Variants in ZNF79 observed in about 807,000 individuals in gnomAD.
ZNF79 encodes ZNFpT7.
ZNF79 carries 13 observed loss-of-function variants against 14.9 expected under a neutral mutation model. That is an observed-to-expected ratio of 0.87 (90% CI 0.57 to 1.38). The LOEUF is 1.38. Ranked by LOEUF, ZNF79 falls within the 40% of genes most tolerant of loss-of-function variation. ZNF79 has a pLI of 0.00. For missense variants in ZNF79, 631 were observed against 630.6 expected (o/e 1.00, Z -0.01); for synonymous variants, 223 against 235.1 (o/e 0.95, Z 0.47).
intron 4 of ZNF79, among the ~76,000 whole-genome samples, chr9:127,436,469 C>T (rs931139690): frequency 6.6e-6 from 1 of 152,220 alleles, no homozygotes; most frequent in Non-Finnish European, 1.5e-5. Context: ...ATTCATTCTG[C>T]TCCTGCTTTC....
Position 127,444,358 on chromosome 9 carries a change from C to T in ZNF79, c.658C>T (p.Pro220Ser), listed in dbSNP as rs767120315. ...QHQKSHTGEK[P>S]YECSECGKAF... Reference sequence around the variant, plus strand: ...TCAGAAGAGCCACACTGGAGAGAAGCCCTATGAGTGCAGTGAATGTGGGAA... The same window carrying T: ...TCAGAAGAGCCACACTGGAGAGAAGTCCTATGAGTGCAGTGAATGTGGGAA... Residue 220 changes from proline to serine, a missense_variant, in exon 5 of 5, where the codon CCC (proline) becomes TCC (serine). Transcript: ENST00000342483. 2.4e-5 allele frequency: 38 copies of T among 1,613,164 alleles called. No homozygotes were observed. The Admixed American group carries it at 6.0e-4, about 25-fold the overall frequency.
rs767990049 is a variant in ZNF79, at chr9:127,444,207, T to C, written c.507T>C (p.Pro169=). 4 of 1,613,890 alleles carry C rather than the reference T, an allele frequency of 2.5e-6. No homozygotes were observed. The highest frequency in any genetic ancestry group is 3.4e-6 in the Non-Finnish European group (4 of 1,180,010). Residue 169 remains proline, a synonymous_variant, in exon 5 of 5, where the codon CCT becomes CCC. Transcript: ENST00000342483. The stretch of plus-strand genomic sequence containing the variant: ...AGAGAGTGCCCGTGGAAGCGAGACC[T>C]CGCAAATGTGAGACACACACCGAGA... ...PQQRVPVEAR[P]RKCETHTESF... is the part of the protein sequence containing the mutation.
chr9:127,435,839 C>T, intron 3 of ZNF79, 69 bp from the exon 4 acceptor site: 5 of 1,297,046 alleles, frequency 3.9e-6, no homozygotes, highest in Non-Finnish European at 4.5e-6. Context: ...TACTTGCTCT[C>T]TCCTGAGTTC....
intron 4 of ZNF79, among the ~76,000 whole-genome samples, chr9:127,437,387 AG>A (rs1333366918): frequency 6.6e-6 from 1 of 150,786 alleles, no homozygotes; most frequent in Non-Finnish European, 1.5e-5. Context: ...GTCTATACAG[AG>A]GACTGAAGTC....
chr9:127,432,954 G>A (rs928762118), intron 2 of ZNF79, among the ~76,000 whole-genome samples: 1 of 151,960 alleles, frequency 6.6e-6, no homozygotes, highest in African/African-American at 2.4e-5. Context: ...TTAGTTTTTT[G>A]TATTTTTAGT....
rs1006998610 is a variant in ZNF79, at chr9:127,425,022, A to T, written c.16+219A>T. 4 of 1,273,928 alleles carry T rather than the reference A, an allele frequency of 3.1e-6. No homozygotes were observed. The Admixed American group carries it at 8.3e-5, about 26-fold the overall frequency. The allele number at this position is 1,273,928 out of a possible 1,614,324, so 78.9% of individuals were successfully genotyped here. On this transcript the variant is annotated intron_variant, in intron 1 of 4. Transcript: ENST00000342483. Reference sequence around the variant, plus strand: ...TGAGTAAAGAATTCGGGGGTCAAAAAAGTTTGAGGACCTCAGACTGCGTGA... The same window carrying T: ...TGAGTAAAGAATTCGGGGGTCAAAATAGTTTGAGGACCTCAGACTGCGTGA...
chr9:127,444,031 T>C lies in ZNF79; in HGVS notation c.331T>C (p.Trp111Arg), dbSNP rs182450731. Residue 111 changes from tryptophan (W) to arginine (R), a missense_variant and splice_region_variant, in exon 5 of 5, where the codon TGG (tryptophan) becomes CGG (arginine). Physicochemically the swap from Trp to Arg is moderately radical, Grantham distance 101. Transcript: ENST00000342483. ...GEDLRSPSPG[W>R]KIISGSPPEQ... ...ACAGCTTTTCATTTTTTTTTCAGGC[T>C]GGAAGATTATATCTGGATCACCACC... The C allele has an allele frequency of 3.6e-5, 57 of 1,573,370 alleles. No individual in the cohort carries two copies. The East Asian group carries it at 1.2e-3, about 32-fold the overall frequency.
At position 127,424,635 on chromosome 9, in the gene ZNF79, G is replaced by A; in HGVS notation, c.-153G>A. ...CAGCTCCCGCGACCCAGCACCGCAG[G>A]ATCAGACCGTGCCTCTGCGGGGAGA... On this transcript the variant is annotated 5_prime_UTR_variant, in exon 1 of 5. Transcript: ENST00000342483. 8.2e-7 allele frequency: 1 copy of A among 1,213,752 alleles called. No individual in the cohort carries two copies. The highest frequency in any genetic ancestry group is 2.5e-5 in the East Asian group (1 of 39,416). The allele number at this position is 1,213,752 out of a possible 1,614,324, so 75.2% of individuals were successfully genotyped here.
Position 127,444,430 on chromosome 9 carries a change from A to T in ZNF79, c.730A>T (p.Thr244Ser). 1 of 1,614,086 alleles carries T rather than the reference A, an allele frequency of 6.2e-7. No homozygotes were observed. The highest frequency in any genetic ancestry group is 8.5e-7 in the Non-Finnish European group (1 of 1,179,994). ...SSLIQHQRIH[T>S]GEKPYKCSEC... ...TCTCATTCAGCACCAGAGGATTCAC[A>T]CTGGAGAGAAGCCTTACAAGTGCAG... The change falls in exon 5 of 5, where the codon ACT (threonine) becomes TCT (serine). Residue 244 changes from threonine to serine, a missense_variant. Transcript: ENST00000342483.
intron 4 of ZNF79, among the ~76,000 whole-genome samples, chr9:127,442,999 G>A (rs1834076811): frequency 6.6e-6 from 1 of 152,154 alleles, no homozygotes. Context: ...TGTCCAACTG[G>A]AAGATCTTCA....
intron 2 of ZNF79, among the ~76,000 whole-genome samples, chr9:127,434,303 A>C (rs1325152708): frequency 1.3e-5 from 2 of 152,030 alleles, no homozygotes; most frequent in African/African-American, 4.8e-5. Context: ...CTTGTGCTAC[A>C]TTTGATTGTG....
chr9:127,443,375 A>T (rs1055369322), intron 4 of ZNF79, among the ~76,000 whole-genome samples: 3 of 152,170 alleles, frequency 2.0e-5, no homozygotes, highest in Non-Finnish European at 4.4e-5. Context: ...TGACTGTGCC[A>T]CCGCCCTCCA....
In ZNF79 at chr9:127,444,970, A is replaced by G. The variant is rs1263863083; in HGVS notation, c.1270A>G (p.Lys424Glu). The change falls in exon 5 of 5, where the codon AAA becomes GAA. Residue 424 changes from lysine to glutamate, a missense_variant. Transcript: ENST00000342483. ...EKPYKCNECG[K>E]FFSESSALIR... ...GCCATATAAATGTAATGAATGTGGGAAATTCTTCAGTGAGAGCTCAGCCCT... is the reference window on the plus strand; with the variant it reads ...GCCATATAAATGTAATGAATGTGGGGAATTCTTCAGTGAGAGCTCAGCCCT... The G allele has an allele frequency of 6.2e-7, 1 of 1,614,170 alleles. No homozygotes were observed. The highest frequency in any genetic ancestry group is 8.5e-7 in the Non-Finnish European group (1 of 1,180,032).
At chr9:127,440,749 G>A (rs1834034716) in intron 4 of ZNF79, among the ~76,000 whole-genome samples, 1 of 152,186 alleles carries the variant, frequency 6.6e-6, no homozygotes, top group Non-Finnish European at 1.5e-5. Flanking sequence ...TGAGGTGATG[G>A]TGGCCTGTAA....
intron 2 of ZNF79, among the ~76,000 whole-genome samples, chr9:127,429,827 T>G (rs1833828719): frequency 6.6e-6 from 1 of 151,656 alleles, no homozygotes; most frequent in Non-Finnish European, 1.5e-5. Context: ...TTTTCCTTTT[T>G]TTTTTTTTTG....
At chr9:127,438,489 A>G (rs1833988297) in intron 4 of ZNF79, among the ~76,000 whole-genome samples, 1 of 152,190 alleles carries the variant, frequency 6.6e-6, no homozygotes, top group Admixed American at 6.5e-5. Flanking sequence ...GAAGCTCTCT[A>G]AACCCTGCCC....
intron 4 of ZNF79, among the ~76,000 whole-genome samples, chr9:127,437,260 G>A (rs567123383): frequency 6.6e-6 from 1 of 151,914 alleles, no homozygotes; most frequent in East Asian, 1.9e-4. Context: ...CCCTCATGGT[G>A]TGCCTGGCAC....
In ZNF79 at chr9:127,445,364, C is replaced by G; in HGVS notation, c.*167C>G. 6.0e-6 allele frequency: 4 copies of G among 662,396 alleles called. No individual in the cohort carries two copies. In the South Asian group the frequency reaches 7.7e-5, roughly 13 times the overall value. 41.0% of individuals were successfully genotyped at this position (662,396 alleles called of 1,614,324 possible). On this transcript the variant is annotated 3_prime_UTR_variant, in exon 5 of 5. Transcript: ENST00000342483. ...CCTTCAATAAACAGCCACTATTTCA[C>G]ATGCTGTATATGGACGCTCAGCTCT...
chr9:127,432,729 CTTTTTGTTG>C (rs1833883318), intron 2 of ZNF79, among the ~76,000 whole-genome samples: 1 of 151,912 alleles, frequency 6.6e-6, no homozygotes, highest in Non-Finnish European at 1.5e-5. Flanking sequence ...TATCTTTATT[CTTTTTGTTG>C]TTTATTCACT....
Sources: allele counts gnomAD v4.1 joint callset (sites outside exome capture counted in the v4.1 genomes callset), GRCh38; gene constraint gnomAD v4.1.1; transcripts MANE v1.5; gene names NCBI Gene and HGNC (gene_info 2026-07-23, HGNC 2026-07-21).